The following MILR1 variants were observed in gnomAD, a reference collection of about 807,000 sequenced individuals.
MILR1 encodes allergin-1.
MILR1 carries 31 observed loss-of-function variants against 18.5 expected under a neutral mutation model. The ratio of observed to expected loss-of-function variants is 1.68; its 90% CI spans 1.26 to 2.26. The LOEUF (loss-of-function observed/expected upper bound fraction) is 2.26, where lower values mean the gene tolerates loss of function less well. Among genes scored for constraint, MILR1 ranks in the 30% most tolerant of loss-of-function variants. MILR1 has a pLI of 0.00. For missense variants in MILR1, 257 were observed against 157.4 expected (o/e 1.63, Z -3.38); for synonymous variants, 85 against 56.2 (o/e 1.51, Z -2.30).
chr17:64,497,121 C>G, the MILR1 span: 1 of 780,376 alleles, frequency 1.3e-6, no homozygotes, highest in Non-Finnish European at 2.2e-6. Context: ...AAGCGCATGT[C>G]TGCGTTCCGG....
At chr17:64,491,274 C>T in the MILR1 span, among the ~76,000 whole-genome samples, 2 of 152,096 alleles carry the variant, frequency 1.3e-5, no homozygotes, top group Non-Finnish European at 2.9e-5. Flanking sequence ...GCTGGGACCA[C>T]AGGTTGCTGA....
chr17:64,457,103 T>C (rs1463429428), intron 3 of MILR1, among the ~76,000 whole-genome samples: 1 of 152,182 alleles, frequency 6.6e-6, no homozygotes, highest in African/African-American at 2.4e-5. Context: ...ATAAATAGAT[T>C]GTGAATTCTA....
chr17:64,491,501 CTA>C, the MILR1 span: 1 of 1,437,084 alleles, frequency 7.0e-7, no homozygotes. Flanking sequence ...AAGAGTGAGA[CTA>C]TGTCTCTAAA....
At chr17:64,476,430 C>G in the MILR1 span, among the ~76,000 whole-genome samples, 2 of 151,900 alleles carry the variant, frequency 1.3e-5, no homozygotes, top group Admixed American at 6.6e-5. Context: ...CTGTAATCCC[C>G]ATATTTTGGG....
chr17:64,462,396 G>A lies in MILR1; in HGVS notation c.763+1464G>A, dbSNP rs925961556. Reference sequence around the variant, plus strand: ...GAACAGTGTTCATTTCGCACTGGGCGCTGCAAGTGGTGCGGCTGCTCCTGA... The same window carrying A: ...GAACAGTGTTCATTTCGCACTGGGCACTGCAAGTGGTGCGGCTGCTCCTGA... On this transcript the variant is annotated intron_variant, in intron 5 of 9. Transcript: ENST00000619286. Among the ~76,000 whole-genome samples, 445 of 152,242 alleles carry A rather than the reference G, an allele frequency of 2.9e-3. 2 individuals are homozygous for A. The highest frequency in any genetic ancestry group is 0.01 in the African/African-American group (430 of 41,548).
At chr17:64,449,659 G>C (rs1456960041) in intron 2 of MILR1, among the ~76,000 whole-genome samples, 4 of 152,054 alleles carry the variant, frequency 2.6e-5, no homozygotes, top group African/African-American at 9.7e-5. Flanking sequence ...ACACAGGCTG[G>C]GTGTGGTGCC....
the MILR1 span, among the ~76,000 whole-genome samples, chr17:64,484,856 A>C: frequency 2.6e-5 from 4 of 152,312 alleles, no homozygotes; most frequent in Non-Finnish European, 5.9e-5. Flanking sequence ...TCCCAATCCC[A>C]GCTGAACACT....
At chr17:64,460,560 G>A (rs1194433990) in intron 4 of MILR1, among the ~76,000 whole-genome samples, 9 of 152,012 alleles carry the variant, frequency 5.9e-5, no homozygotes, top group Non-Finnish European at 7.4e-5. Context: ...TGCCCAGGCC[G>A]GTCTCAAACT....
chr17:64,479,184 TTTTTTTTTTTTTTTTTTGAG>T, the MILR1 span, among the ~76,000 whole-genome samples: 1 of 116,944 alleles, frequency 8.6e-6, no homozygotes, highest in African/African-American at 4.0e-5. Flanking sequence ...CTGAAAGGTG[TTTTTTTTTTTTTTTTTTGAG>T]AAGGAGTCTC....
the MILR1 span, chr17:64,484,277 A>G: frequency 6.6e-6 from 1 of 152,270 alleles, no homozygotes; most frequent in Non-Finnish European, 1.5e-5. Flanking sequence ...ACACTTGAGC[A>G]AACACTCGAA....
chr17:64,461,209 G>C lies in MILR1; in HGVS notation c.763+277G>C, dbSNP rs1006314508. On this transcript the variant is annotated intron_variant, in intron 5 of 9. Transcript: ENST00000619286. ...AGCCTGTGCTGTCACACAGGGCCCT[G>C]TGCCAAGAAGAACTCCACATTTGGT... Among the ~76,000 whole-genome samples the C allele has an allele frequency of 1.9e-4, 29 of 152,060 alleles. 1 individual carries two copies. The highest frequency in any genetic ancestry group is 1.7e-3 in the Admixed American group (26 of 15,244).
chr17:64,472,206 C>T (rs888667803), downstream of MILR1, among the ~76,000 whole-genome samples: 2 of 151,826 alleles, frequency 1.3e-5, no homozygotes, highest in South Asian at 2.1e-4. Flanking sequence ...AGGGGCCGGG[C>T]GCAGTGGCTC....
At chr17:64,493,104 A>G in the MILR1 span, 28 of 1,386,782 alleles carry the variant, frequency 2.0e-5, no homozygotes, top group East Asian at 6.0e-4. Flanking sequence ...TAATAGTAGT[A>G]ATAACGTTAA....
the MILR1 span, chr17:64,477,776 A>G: frequency 6.6e-7 from 1 of 1,505,770 alleles, no homozygotes; most frequent in Non-Finnish European, 8.9e-7. Context: ...TGAACATAAG[A>G]CAACCAAATT....
the MILR1 span, chr17:64,483,032 G>A: frequency 9.4e-7 from 1 of 1,067,042 alleles, no homozygotes; most frequent in South Asian, 1.3e-5. Context: ...GGAGAAGACA[G>A]GAAAGGGGAA....
the MILR1 span, among the ~76,000 whole-genome samples, chr17:64,486,544 A>G: frequency 1.3e-5 from 2 of 151,948 alleles, no homozygotes; most frequent in Admixed American, 6.6e-5. Flanking sequence ...TTCTATTTTT[A>G]GTAGGGACGG....
chr17:64,464,116 A>AT (rs1182677616), intron 5 of MILR1, among the ~76,000 whole-genome samples: 7,026 of 100,804 alleles, frequency 0.07, 452 homozygotes, highest in Admixed American at 0.093. Context: ...CGCGCCTGAC[A>AT]TTTTTTTTTT....
chr17:64,489,322 C>A, the MILR1 span, among the ~76,000 whole-genome samples: 2 of 143,702 alleles, frequency 1.4e-5, no homozygotes, highest in South Asian at 2.2e-4. Context: ...ATATTGCTGA[C>A]CAGTAAATCT....
the MILR1 span, among the ~76,000 whole-genome samples, chr17:64,494,809 C>A: frequency 8.9e-4 from 135 of 152,300 alleles, no homozygotes; most frequent in African/African-American, 3.2e-3. Context: ...GTGTTTCAAA[C>A]TCACCTTGTA....
Sources: gnomAD v4.1 joint callset for allele counts (sites outside exome capture counted in the v4.1 genomes callset) on GRCh38, gnomAD v4.1.1 for gene constraint, MANE v1.5 for transcripts, NCBI Gene and HGNC (gene_info 2026-07-23, HGNC 2026-07-21) for gene names.